Variants in NRCAM observed in about 807,000 individuals in gnomAD.
NRCAM encodes the protein neuronal cell adhesion molecule, also known as NgCAM-related cell adhesion molecule.
Under a neutral mutation model 156.5 loss-of-function variants are expected in NRCAM, and 83 were observed. The ratio of observed to expected loss-of-function variants is 0.53; its 90% CI spans 0.44 to 0.64. The LOEUF is 0.64. NRCAM is among the 30% of genes least tolerant of loss of function. The probability of loss-of-function intolerance (pLI) is 0.00; values close to 1 mark genes in which losing one functional copy is unlikely to be tolerated. For synonymous variants in NRCAM, 538 were observed against 563.9 expected (o/e 0.95, Z 0.65); for missense variants, 1,417 against 1,597.3 (o/e 0.89, Z 1.92).
At position 108,416,803 on chromosome 7, in the gene NRCAM, T is replaced by G. The variant is rs1453785567; in HGVS notation, c.-331-17210A>C. On this transcript the variant is annotated intron_variant, in intron 1 of 32. Transcript: ENST00000379028. ...GTTCACACATCCTGTTAATTACTAT[T>G]GCCATTCATAATTAAGGGAGGTTCC... 8.5e-5 allele frequency among the ~76,000 whole-genome samples: 13 copies of G among 152,310 alleles called. No individual in the cohort carries two copies. In the East Asian group the frequency reaches 2.5e-3, roughly 29 times the overall value.
At chr7:108,391,428 T>C (rs1206987450) in intron 2 of NRCAM, among the ~76,000 whole-genome samples, 1 of 152,126 alleles carries the variant, frequency 6.6e-6, no homozygotes, top group Non-Finnish European at 1.5e-5. Context: ...ATTTGCTTGG[T>C]AGATCTTCCT....
chr7:108,218,713 G>T (rs1431486925), intron 11 of NRCAM, among the ~76,000 whole-genome samples: 1 of 152,154 alleles, frequency 6.6e-6, no homozygotes, highest in Non-Finnish European at 1.5e-5. Context: ...CAGAGGCGGT[G>T]CTAAGAGGAA....
chr7:108,415,942 T>A (rs914566006), intron 1 of NRCAM, among the ~76,000 whole-genome samples: 1 of 152,206 alleles, frequency 6.6e-6, no homozygotes, highest in African/African-American at 2.4e-5. Context: ...GGTTTCCACA[T>A]GGTTGCTCTT....
intron 2 of NRCAM, among the ~76,000 whole-genome samples, chr7:108,361,859 GTATTATATACGTATA>G (rs2099554057): frequency 6.6e-6 from 1 of 150,924 alleles, no homozygotes; most frequent in Non-Finnish European, 1.5e-5. Context: ...ATACGTATAT[GTATTATATACGTATA>G]TATTTATACC....
chr7:108,375,393 T>A (rs539139271), intron 2 of NRCAM, among the ~76,000 whole-genome samples: 3 of 152,234 alleles, frequency 2.0e-5, no homozygotes, highest in African/African-American at 7.2e-5. Context: ...TCACAACTTC[T>A]AGGAATCAGG....
rs1563377305 is a variant in NRCAM at position 108,195,773 on chromosome 7, G to C, written c.1451C>G (p.Pro484Arg). ...LDCAFFGSPL[P>R]TIEWFKGAKG... is the part of the protein sequence containing the mutation. ...AGCTGCTACTTACCACTCGATGGTT[G>C]GGAGAGGAGACCCAAAGAAGGCACA... The change falls in exon 15 of 33, where the codon CCA becomes CGA. Residue 484 changes from proline to arginine, a missense_variant. By Grantham distance (103) the Pro-to-Arg change is moderately radical. This residue lies in a region of NRCAM where 1,238 missense variants were observed against 1,336.4 expected (regional missense o/e 0.93). Transcript: ENST00000379028. 6.3e-7 allele frequency: 1 copy of C among 1,591,206 alleles called. No individual in the cohort carries two copies. Among genetic ancestry groups the C allele is most frequent in the Admixed American group, 1.7e-5 (1 of 59,854 alleles).
chr7:108,167,183 G>T (rs1265481186), intron 29 of NRCAM, 110 bp from the exon 30 acceptor site: 2 of 733,746 alleles, frequency 2.7e-6, no homozygotes, highest in Non-Finnish European at 4.4e-6. Context: ...GATGTAGGAT[G>T]CTTAGGTTTA....
chr7:108,246,863 T>G (rs542002328), intron 3 of NRCAM, among the ~76,000 whole-genome samples: 2 of 152,332 alleles, frequency 1.3e-5, no homozygotes, highest in East Asian at 1.9e-4. Flanking sequence ...ATCCATGCCC[T>G]TGCATAGTCA....
chr7:108,266,804 C>T (rs2097123787), intron 3 of NRCAM, among the ~76,000 whole-genome samples: 2 of 152,176 alleles, frequency 1.3e-5, no homozygotes, highest in African/African-American at 4.8e-5. Context: ...CCACCACATC[C>T]ACTTACGATT....
At chr7:108,181,498 C>T (rs1464512235) in intron 24 of NRCAM, among the ~76,000 whole-genome samples, 1 of 152,044 alleles carries the variant, frequency 6.6e-6, no homozygotes, top group Non-Finnish European at 1.5e-5. Context: ...GTCCATATTG[C>T]TTTAAAGCTA....
Position 108,194,345 on chromosome 7 carries a change from T to C in NRCAM, c.1547A>G (p.Gln516Arg), listed in dbSNP as rs779192426. The change falls in exon 16 of 33, where the codon CAA becomes CGA. Residue 516 changes from glutamine to arginine, a missense_variant. This residue lies in a region of NRCAM where 1,238 missense variants were observed against 1,336.4 expected (regional missense o/e 0.93). Coordinates refer to ENST00000379028, the MANE Select transcript of NRCAM (RefSeq NM_001037132.4). ...CGTATAAGTTCCTGTACTGTCCTTT[T>C]GGGCCACAGGAATTTCCAAAGTTCC... ...ENGTLEIPVA[Q>R]KDSTGTYTCV... 6.2e-7 allele frequency: 1 copy of C among 1,613,452 alleles called. No individual in the cohort carries two copies. Among genetic ancestry groups the C allele is most frequent in the East Asian group, 2.2e-5 (1 of 44,880 alleles).
chr7:108,305,654 A>G (rs1023023198), intron 3 of NRCAM, among the ~76,000 whole-genome samples: 7 of 152,156 alleles, frequency 4.6e-5, no homozygotes, highest in Non-Finnish European at 1.0e-4. Context: ...AGCTTTATTC[A>G]GTACAGTATC....
At chr7:108,314,049 C>T (rs868695902) in intron 2 of NRCAM, among the ~76,000 whole-genome samples, 11 of 152,158 alleles carry the variant, frequency 7.2e-5, no homozygotes, top group Middle Eastern at 3.2e-3. Flanking sequence ...CAGGGCAAAA[C>T]GCTCTAAAAA....
chr7:108,452,174 C>T (rs1851124408), intron 1 of NRCAM, among the ~76,000 whole-genome samples: 1 of 152,116 alleles, frequency 6.6e-6, no homozygotes, highest in African/African-American at 2.4e-5. Context: ...TTCTTAGAAA[C>T]TTCAGTCAAA....
At chr7:108,345,829 T>C (rs561490654) in intron 2 of NRCAM, among the ~76,000 whole-genome samples, 21 of 152,288 alleles carry the variant, frequency 1.4e-4, no homozygotes, top group Middle Eastern at 6.8e-3. Context: ...CTGAGTGAAT[T>C]AAGGCAGTCC....
chr7:108,268,367 G>A (rs2097187907), intron 3 of NRCAM, among the ~76,000 whole-genome samples: 1 of 152,106 alleles, frequency 6.6e-6, no homozygotes, highest in Non-Finnish European at 1.5e-5. Flanking sequence ...TGCTCTGAAA[G>A]GGCTACATCA....
At chr7:108,186,042 G>A (rs567648782) in intron 20 of NRCAM, among the ~76,000 whole-genome samples, 2 of 152,324 alleles carry the variant, frequency 1.3e-5, no homozygotes, top group South Asian at 4.1e-4. Context: ...CTAAAATTCT[G>A]TGGTGTGTAC....
chr7:108,151,906 G>A (rs1481103504), intron 32 of NRCAM, among the ~76,000 whole-genome samples: 2 of 152,094 alleles, frequency 1.3e-5, no homozygotes, highest in Non-Finnish European at 2.9e-5. Context: ...AGTGTCCCAA[G>A]GAATACACTG....
chr7:108,303,812 C>T (rs1162349790), intron 3 of NRCAM, among the ~76,000 whole-genome samples: 2 of 152,250 alleles, frequency 1.3e-5, no homozygotes, highest in Admixed American at 6.5e-5. Context: ...CTGATGCCAC[C>T]ATGCAGAGTT....
Sources: gnomAD v4.1 joint callset for allele counts (sites outside exome capture counted in the v4.1 genomes callset) on GRCh38, gnomAD v4.1.1 for gene constraint, gnomAD v4.1.1 regional missense constraint, MANE v1.5 for transcripts, NCBI Gene and HGNC (gene_info 2026-07-23, HGNC 2026-07-21) for gene names.